CFAP54: variants seen among roughly 807,000 people sequenced by gnomAD.
CFAP54 encodes cilia- and flagella-associated protein 54.
Under a neutral mutation model 370.4 loss-of-function variants are expected in CFAP54, and 290 were observed. The observed-to-expected ratio is 0.78, with a 90% CI of 0.71 to 0.86. CFAP54 has a LOEUF of 0.86. Ranked by LOEUF, CFAP54 falls within the 40% of genes least tolerant of loss-of-function variation. The pLI is 0.00. For missense variants in CFAP54, 3,399 were observed against 3,528.7 expected, an observed-to-expected ratio of 0.96 and a Z score of 0.93; for synonymous variants, 1,206 against 1,236.5, an observed-to-expected ratio of 0.98 and a Z score of 0.52.
At chr12:96,761,883 C>T (rs1474372409) in intron 58 of CFAP54, among the ~76,000 whole-genome samples, 1 of 152,156 alleles carries the variant, frequency 6.6e-6, no homozygotes, top group Non-Finnish European at 1.5e-5. Context: ...GTCTTGGTTC[C>T]TGTAGCTTTT....
intron 52 of CFAP54, among the ~76,000 whole-genome samples, chr12:96,742,828 T>C (rs1179990093): frequency 6.6e-6 from 1 of 152,204 alleles, no homozygotes; most frequent in African/African-American, 2.4e-5. Context: ...ATAATACGAA[T>C]GACCAGGTCT....
chr12:96,699,771 C>T (rs1441315663), intron 45 of CFAP54, among the ~76,000 whole-genome samples, 200 bp from the exon 46 acceptor site: 1 of 152,114 alleles, frequency 6.6e-6, no homozygotes, highest in Non-Finnish European at 1.5e-5. Context: ...GCTTCTTGGT[C>T]CATTGCACAT....
intron 40 of CFAP54, among the ~76,000 whole-genome samples, chr12:96,684,397 T>C (rs993464927): frequency 2.6e-5 from 4 of 152,200 alleles, no homozygotes; most frequent in African/African-American, 9.7e-5. Context: ...TCTACCTGTC[T>C]GAGTTTTATT....
At chr12:96,614,431 G>A (rs1238323762) in intron 26 of CFAP54, among the ~76,000 whole-genome samples, 1 of 152,184 alleles carries the variant, frequency 6.6e-6, no homozygotes, top group African/African-American at 2.4e-5. Flanking sequence ...AAAACTGGAA[G>A]CATTCCCTTT....
intron 48 of CFAP54, among the ~76,000 whole-genome samples, chr12:96,717,210 G>A (rs903893083): frequency 6.6e-6 from 1 of 152,086 alleles, no homozygotes; most frequent in African/African-American, 2.4e-5. Flanking sequence ...GGCTTCTTTT[G>A]TACCACGTTC....
chr12:96,720,951 C>G (rs907754414), intron 50 of CFAP54, among the ~76,000 whole-genome samples: 1 of 151,352 alleles, frequency 6.6e-6, no homozygotes, highest in Admixed American at 6.6e-5. Flanking sequence ...GCCCGGGAGG[C>G]AGAGGTTGCA....
intron 22 of CFAP54, 114 bp from the exon 23 acceptor site, chr12:96,589,313 G>C: frequency 1.2e-6 from 1 of 823,226 alleles, no homozygotes; most frequent in Non-Finnish European, 1.9e-6. Flanking sequence ...TCTGAAATGA[G>C]CGTGTGATAG....
At chr12:96,674,309 T>C (rs1450501995) in intron 39 of CFAP54, among the ~76,000 whole-genome samples, 2 of 150,002 alleles carry the variant, frequency 1.3e-5, no homozygotes, top group Admixed American at 6.7e-5. Flanking sequence ...ATTTCTAGAG[T>C]GGTACAATGA....
At chr12:96,619,812 A>G (rs1226010980) in intron 26 of CFAP54, among the ~76,000 whole-genome samples, 2 of 152,278 alleles carry the variant, frequency 1.3e-5, no homozygotes, top group East Asian at 3.9e-4. Context: ...CTATTTCCTT[A>G]TAGGAAAACT....
chr12:96,501,187 G>A (rs1182295002), intron 2 of CFAP54: 1 of 336,038 alleles, frequency 3.0e-6, no homozygotes, highest in Non-Finnish European at 5.5e-6. Flanking sequence ...TGGGCAGGAG[G>A]GTGGCCGGGT....
At chr12:96,674,876 C>G (rs1283897970) in intron 39 of CFAP54, among the ~76,000 whole-genome samples, 2 of 152,160 alleles carry the variant, frequency 1.3e-5, no homozygotes, top group Non-Finnish European at 2.9e-5. Flanking sequence ...GGAAAACTGG[C>G]TAGCCATATG....
chr12:96,836,981 C>G (rs1481892118), intron 66 of CFAP54, among the ~76,000 whole-genome samples: 1 of 152,136 alleles, frequency 6.6e-6, no homozygotes. Context: ...GCACATGCCA[C>G]CATGCCCAGC....
intron 64 of CFAP54, among the ~76,000 whole-genome samples, chr12:96,814,834 C>G (rs1232632915): frequency 6.6e-6 from 1 of 152,154 alleles, no homozygotes; most frequent in Admixed American, 6.5e-5. Context: ...TGTTAGTTTG[C>G]TGAGGATGAT....
At chr12:96,575,045 A>G (rs1955961202) in intron 19 of CFAP54, among the ~76,000 whole-genome samples, 1 of 152,040 alleles carries the variant, frequency 6.6e-6, no homozygotes, top group Admixed American at 6.6e-5. Flanking sequence ...GTTTCTTTGA[A>G]CATTATTATT....
At chr12:96,510,349 C>G (rs1333686351) in intron 4 of CFAP54, among the ~76,000 whole-genome samples, 1 of 152,008 alleles carries the variant, frequency 6.6e-6, no homozygotes, top group Non-Finnish European at 1.5e-5. Context: ...ACCATTTACT[C>G]TCTGAGTCTG....
intron 50 of CFAP54, among the ~76,000 whole-genome samples, chr12:96,726,474 T>C (rs929427207): frequency 1.8e-4 from 27 of 152,254 alleles, no homozygotes; most frequent in African/African-American, 5.5e-4. Context: ...GAGGTGTTTA[T>C]AGTATTCTCT....
intron 36 of CFAP54, among the ~76,000 whole-genome samples, chr12:96,655,889 T>C (rs1956917129): frequency 6.6e-6 from 1 of 152,252 alleles, no homozygotes; most frequent in East Asian, 1.9e-4. Context: ...TTAGGTAGGA[T>C]TATAGTATTG....
chr12:96,772,100 G>A (rs1005628588), intron 60 of CFAP54, among the ~76,000 whole-genome samples: 1 of 151,884 alleles, frequency 6.6e-6, no homozygotes, highest in Non-Finnish European at 1.5e-5. Context: ...TCATTTTTTT[G>A]AATAGGTAAT....
chr12:96,765,159 C>A lies in CFAP54; in HGVS notation c.8222C>A (p.Pro2741Gln). 1 of 1,540,382 alleles carries A rather than the reference C, an allele frequency of 6.5e-7. No individual in the cohort carries two copies. The highest frequency in any genetic ancestry group is 8.8e-7 in the Non-Finnish European group (1 of 1,130,366). ...RMHKVNQVAL[P>Q]NIPEFAALDL... ...CATAAAGTTAACCAAGTGGCATTAC[C>A]AAATATCCCAGAATTTGCTGCTCTG... Residue 2741 changes from proline to glutamine, a missense_variant, in exon 60 of 68, where the codon CCA becomes CAA. Coordinates refer to ENST00000524981, the MANE Select transcript of CFAP54 (RefSeq NM_001306084.2).
Sources: allele counts gnomAD v4.1 joint callset (sites outside exome capture counted in the v4.1 genomes callset), GRCh38; gene constraint gnomAD v4.1.1; transcripts MANE v1.5; gene names NCBI Gene and HGNC (gene_info 2026-07-23, HGNC 2026-07-21).